ZNF804B: variants seen among roughly 807,000 people sequenced by gnomAD.
ZNF804B encodes zinc finger protein 804B.
In ZNF804B, 80 loss-of-function variants were observed where a neutral mutation model predicts 101.4. That is an observed-to-expected ratio of 0.79 (90% CI 0.66 to 0.95). The LOEUF is 0.95. ZNF804B is among the 40% of genes least tolerant of loss of function. The pLI, the probability that ZNF804B is intolerant of heterozygous loss-of-function variation, is 0.00. For missense variants in ZNF804B, 1,673 were observed against 1,561.9 expected, an observed-to-expected ratio of 1.07 and a Z score of -1.20; for synonymous variants, 622 against 558.8, an observed-to-expected ratio of 1.11 and a Z score of -1.59.
intron 1 of ZNF804B, among the ~76,000 whole-genome samples, chr7:88,944,617 C>T (rs1793100318): frequency 6.6e-6 from 1 of 151,066 alleles, no homozygotes; most frequent in South Asian, 2.1e-4. Flanking sequence ...GATAAAAATA[C>T]AAAAATATTA....
chr7:89,202,116 A>G (rs977030710), intron 1 of ZNF804B, among the ~76,000 whole-genome samples: 1 of 152,120 alleles, frequency 6.6e-6, no homozygotes, highest in African/African-American at 2.4e-5. Context: ...ACAGTAACTC[A>G]TCCAAGCATT....
chr7:89,069,131 C>T (rs963850890), intron 1 of ZNF804B, among the ~76,000 whole-genome samples: 8 of 152,284 alleles, frequency 5.3e-5, no homozygotes, highest in Non-Finnish European at 1.0e-4. Context: ...CCAGGACTGG[C>T]TTACTTATTC....
At chr7:88,935,309 G>T (rs900196864) in intron 1 of ZNF804B, among the ~76,000 whole-genome samples, 2 of 144,220 alleles carry the variant, frequency 1.4e-5, no homozygotes, top group African/African-American at 5.1e-5. Context: ...CACCACTAAA[G>T]AACTTACTCA....
chr7:89,232,083 AT>A (rs553288594), intron 2 of ZNF804B, among the ~76,000 whole-genome samples: 11 of 151,800 alleles, frequency 7.2e-5, no homozygotes, highest in Admixed American at 6.6e-5. Flanking sequence ...GAATGAAAGC[AT>A]TTTTTTTACT....
At chr7:89,293,681 A>AG (rs1554390697) in intron 2 of ZNF804B, among the ~76,000 whole-genome samples, 2 of 151,830 alleles carry the variant, frequency 1.3e-5, no homozygotes, top group Non-Finnish European at 2.9e-5. Flanking sequence ...GCTACTTGGG[A>AG]GGGAGGCTGA....
intron 1 of ZNF804B, among the ~76,000 whole-genome samples, chr7:88,880,537 A>G (rs935957924): frequency 2.0e-5 from 3 of 152,148 alleles, no homozygotes; most frequent in Admixed American, 2.0e-4. Flanking sequence ...AATTTATTAC[A>G]TATTTTAAAG....
At chr7:88,886,432 A>AC (rs1792129039) in intron 1 of ZNF804B, among the ~76,000 whole-genome samples, 2 of 152,218 alleles carry the variant, frequency 1.3e-5, no homozygotes, top group South Asian at 4.1e-4. Context: ...ACGAACCTTC[A>AC]CCTGTTGTTT....
intron 2 of ZNF804B, among the ~76,000 whole-genome samples, chr7:89,302,917 A>G (rs1048676832): frequency 5.3e-5 from 8 of 151,918 alleles, no homozygotes; most frequent in South Asian, 2.1e-4. Flanking sequence ...ATTTAACACA[A>G]TACTATTCAG....
intron 1 of ZNF804B, among the ~76,000 whole-genome samples, chr7:89,065,189 C>T (rs746462929): frequency 2.6e-5 from 4 of 152,264 alleles, no homozygotes; most frequent in South Asian, 2.1e-4. Context: ...AACTACAGAG[C>T]ATGAGTTTGG....
chr7:88,821,185 A>G (rs766320262), intron 1 of ZNF804B, among the ~76,000 whole-genome samples: 1 of 152,146 alleles, frequency 6.6e-6, no homozygotes, highest in Non-Finnish European at 1.5e-5. Context: ...TATTGAAAAA[A>G]CTGTTATACA....
intron 2 of ZNF804B, among the ~76,000 whole-genome samples, chr7:89,321,372 A>C (rs1466271307): frequency 2.0e-5 from 3 of 152,004 alleles, no homozygotes; most frequent in African/African-American, 7.2e-5. Context: ...CCAGCTACTC[A>C]GGAGGCTGAG....
At position 89,116,446 on chromosome 7, in the gene ZNF804B, G is replaced by A. The variant is rs192505297; in HGVS notation, c.109-101709G>A. Among the ~76,000 whole-genome samples the A allele has an allele frequency of 9.3e-4, 141 of 152,202 alleles. 1 individual carries two copies. The highest frequency in any genetic ancestry group is 9.7e-4 in the Non-Finnish European group (66 of 68,008). ...AGAGTGGGTCTCCATTTCTATATTT[G>A]TCCCTTAGAACCTCAGACAGCGTGT... is the stretch of plus-strand genomic sequence containing the variant. On this transcript the variant is annotated intron_variant, in intron 1 of 3. Transcript: ENST00000333190.
intron 1 of ZNF804B, among the ~76,000 whole-genome samples, chr7:88,962,907 T>A (rs893217501): frequency 6.6e-6 from 1 of 150,654 alleles, no homozygotes; most frequent in African/African-American, 2.4e-5. Context: ...CACTTTTATT[T>A]TTATAATGTA....
intron 1 of ZNF804B, among the ~76,000 whole-genome samples, chr7:88,861,386 C>G (rs1206193239): frequency 6.6e-6 from 1 of 152,148 alleles, no homozygotes; most frequent in Non-Finnish European, 1.5e-5. Flanking sequence ...ACCTTGCCAG[C>G]AGAGCTGCTG....
At chr7:89,231,665 A>G (rs1455610172) in intron 2 of ZNF804B, among the ~76,000 whole-genome samples, 1 of 152,016 alleles carries the variant, frequency 6.6e-6, no homozygotes, top group Non-Finnish European at 1.5e-5. Context: ...CTTGTTAAAT[A>G]TGACACATAT....
Position 89,221,458 on chromosome 7 carries a change from C to A in ZNF804B, c.249+3163C>A, listed in dbSNP as rs113271367. Among the ~76,000 whole-genome samples, 393 of 143,800 alleles carry A rather than the reference C, an allele frequency of 2.7e-3. 3 individuals carry two copies. Among genetic ancestry groups the A allele is most frequent in the African/African-American group, 9.5e-3 (380 of 40,190 alleles). The allele number at this position is 143,800 out of a possible 152,430, so 94.3% of individuals were successfully genotyped here. A position where few individuals can be genotyped will look rare whatever the true frequency, so the allele number is the denominator to read the frequency against. Reference sequence around the variant, plus strand: ...AAAATAGAGGATCAAGGTGAGATGGCATTCTTGTCAGTGGGAATAGAAGCT... The same window carrying A: ...AAAATAGAGGATCAAGGTGAGATGGAATTCTTGTCAGTGGGAATAGAAGCT... On this transcript the variant is annotated intron_variant, in intron 2 of 3. Transcript: ENST00000333190.
intron 1 of ZNF804B, among the ~76,000 whole-genome samples, chr7:89,061,107 T>C (rs922630415): frequency 4.6e-5 from 7 of 152,152 alleles, no homozygotes; most frequent in African/African-American, 1.7e-4. Flanking sequence ...GTAACTGTTA[T>C]ACCCTTATGA....
intron 1 of ZNF804B, among the ~76,000 whole-genome samples, chr7:89,104,015 T>C (rs1392164470): frequency 2.0e-5 from 3 of 152,058 alleles, no homozygotes; most frequent in Non-Finnish European, 4.4e-5. Context: ...CAGCATTGTT[T>C]ATATAGTGGA....
chr7:89,129,620 A>G (rs575225042), intron 1 of ZNF804B, among the ~76,000 whole-genome samples: 35 of 152,048 alleles, frequency 2.3e-4, no homozygotes, highest in Non-Finnish European at 4.7e-4. Context: ...GCACTCTGCT[A>G]AGACCTCTAA....
Sources: allele counts gnomAD v4.1 joint callset (sites outside exome capture counted in the v4.1 genomes callset), GRCh38; gene constraint gnomAD v4.1.1; transcripts MANE v1.5; gene names NCBI Gene and HGNC (gene_info 2026-07-23, HGNC 2026-07-21).